Variants in PRR5 observed in about 807,000 individuals in gnomAD.
The protein encoded by PRR5 is proline-rich protein 5.
A neutral mutation model predicts 30.6 loss-of-function variants in PRR5; 25 were observed. The observed-to-expected ratio is 0.82, with a 90% confidence interval of 0.60 to 1.14. The LOEUF (loss-of-function observed/expected upper bound fraction) is 1.14. Among genes scored for constraint, PRR5 ranks in the 50% most tolerant of loss-of-function variants. The pLI is 0.00. For synonymous variants in PRR5, 286 were observed against 247.1 expected, an observed-to-expected ratio of 1.16 and a Z score of -1.48; for missense variants, 600 against 547.1, an observed-to-expected ratio of 1.10 and a Z score of -0.96.
At chr22:44,722,767 T>C (rs11912248) in intron 2 of PRR5, among the ~76,000 whole-genome samples, 33,482 of 152,064 alleles carry the variant, frequency 0.22, 4,390 homozygotes, top group African/African-American at 0.36. Context: ...TGTCACCCTC[T>C]GACTCCTGGT....
intron 4 of PRR5, chr22:44,730,084 G>A (rs978727156): frequency 8.1e-6 from 8 of 985,312 alleles, no homozygotes; most frequent in South Asian, 4.7e-5. Flanking sequence ...AGTCCAGCTC[G>A]GCCCCAGCCC....
intron 2 of PRR5, 92 bp from the exon 3 acceptor site, chr22:44,725,152 C>A: frequency 6.4e-7 from 1 of 1,571,966 alleles, no homozygotes. Flanking sequence ...GCTGATCTCC[C>A]CCTGCCCAGG....
intron 4 of PRR5, chr22:44,730,294 C>G: frequency 7.1e-6 from 7 of 985,248 alleles, no homozygotes; most frequent in Non-Finnish European, 7.2e-6. Context: ...CTTCCCTCTT[C>G]ACTCAGAGGC....
At chr22:44,699,806 A>G (rs750940248), upstream of PRR5, among the ~76,000 whole-genome samples, 136 of 152,240 alleles carry the variant, frequency 8.9e-4, no homozygotes, top group Non-Finnish European at 1.3e-3. Context: ...CCGCAGCTGG[A>G]GGGCAAGCAG....
At position 44,714,626 on chromosome 22, in the gene PRR5, A is replaced by G; in HGVS notation, c.170A>G (p.Lys57Arg). 1 of 1,613,694 alleles carries G rather than the reference A, an allele frequency of 6.2e-7. No homozygotes were observed. The highest frequency in any genetic ancestry group is 8.5e-7 in the Non-Finnish European group (1 of 1,179,980). ...GGGGTGATCGCCGTCTTCCAGCGCA[A>G]GGGGCTGCCCGACCAGGAGCTCTTC... is the stretch of plus-strand genomic sequence containing the variant. ...HNGVIAVFQR[K>R]GLPDQELFSL... is the part of the protein sequence containing the mutation. Residue 57 changes from lysine (K) to arginine (R), a missense_variant, in exon 2 of 8, where the codon AAG becomes AGG. Lys to Arg is a conservative substitution (Grantham distance 26). Transcript: ENST00000336985.
At chr22:44,714,198 G>A (rs778232188) in intron 1 of PRR5, among the ~76,000 whole-genome samples, 8 of 152,236 alleles carry the variant, frequency 5.3e-5, no homozygotes, top group Non-Finnish European at 8.8e-5. Context: ...AACTCCGGGT[G>A]GCCGTGGAGG....
At chr22:44,720,604 T>TA (rs1403036739) in intron 2 of PRR5, among the ~76,000 whole-genome samples, 3 of 152,214 alleles carry the variant, frequency 2.0e-5, no homozygotes, top group East Asian at 1.9e-4. Flanking sequence ...ACCCACTACT[T>TA]ACACGCTTGG....
At chr22:44,716,177 C>T (rs1306523611) in intron 2 of PRR5, among the ~76,000 whole-genome samples, 1 of 152,232 alleles carries the variant, frequency 6.6e-6, no homozygotes, top group Admixed American at 6.5e-5. Context: ...CCCTGGGCCC[C>T]AGGCTTCCCT....
At chr22:44,696,721 G>GTATTTATT (rs56370664) in intron 1 of PRR5, among the ~76,000 whole-genome samples, 45,616 of 147,880 alleles carry the variant, frequency 0.31, 7,612 homozygotes, top group South Asian at 0.5. Flanking sequence ...ATGAACTTAC[G>GTATTTATT]TATTTATTTA....
upstream of PRR5, among the ~76,000 whole-genome samples, chr22:44,700,558 A>G (rs755356696): frequency 1.8e-4 from 28 of 152,302 alleles, no homozygotes; most frequent in Non-Finnish European, 2.9e-5. Context: ...CCCAGGAGGT[A>G]GAGGCTGCAG....
intron 2 of PRR5, among the ~76,000 whole-genome samples, chr22:44,718,872 A>G (rs1358581428): frequency 6.6e-6 from 1 of 151,944 alleles, no homozygotes; most frequent in Non-Finnish European, 1.5e-5. Context: ...GAGCTATGAG[A>G]GTTCTTTATA....
At position 44,681,198 on chromosome 22, in the gene PRR5, A is replaced by C. The variant is rs563223224; in HGVS notation, c.-11+3958A>C. ...CAGCACATGCCTGCCACATAGTAGG[A>C]GTCTGCAGGATGATGGCTGTTCACC... On this transcript the variant is annotated intron_variant, in intron 1 of 8. Transcript: ENST00000006251. Among the ~76,000 whole-genome samples, 5 of 152,300 alleles carry C rather than the reference A, an allele frequency of 3.3e-5. 1 individual carries two copies. In the South Asian group the frequency reaches 1.0e-3, roughly 32 times the overall value.
At chr22:44,700,176 C>A (rs774332110), upstream of PRR5, among the ~76,000 whole-genome samples, 1 of 151,958 alleles carries the variant, frequency 6.6e-6, no homozygotes, top group Non-Finnish European at 1.5e-5. Flanking sequence ...TAAAAATTAG[C>A]CAGGGAGCCG....
At chr22:44,720,556 AG>A (rs891055737) in intron 2 of PRR5, among the ~76,000 whole-genome samples, 1 of 152,174 alleles carries the variant, frequency 6.6e-6, no homozygotes, top group African/African-American at 2.4e-5. Flanking sequence ...GCAGCTGCCA[AG>A]TGGAAGTTGC....
At position 44,702,256 on chromosome 22, in the gene PRR5, G is replaced by C. The variant is rs896283451; in HGVS notation, c.-219G>C. 6 of 1,138,110 alleles carry C rather than the reference G, an allele frequency of 5.3e-6. No homozygotes were observed. In the African/African-American group the frequency reaches 8.2e-5, roughly 16 times the overall value. 70.5% of individuals were successfully genotyped at this position (1,138,110 alleles called of 1,614,324 possible). Reference sequence around the variant, plus strand: ...GGCCGCGCGCCTGGCGCTCCACGCTGAGCCTCTCCGTGCAATGATTAACCC... The same window carrying C: ...GGCCGCGCGCCTGGCGCTCCACGCTCAGCCTCTCCGTGCAATGATTAACCC... On this transcript the variant is annotated 5_prime_UTR_variant, in exon 1 of 8. Transcript: ENST00000336985.
chr22:44,680,018 C>T, intron 1 of PRR5: 6 of 763,008 alleles, frequency 7.9e-6, no homozygotes, highest in South Asian at 1.8e-5. Context: ...TGGACCTCAG[C>T]CTGAGTGAGT....
At chr22:44,732,128 A>G in intron 5 of PRR5, 123 bp from the exon 6 acceptor site, 2 of 1,475,108 alleles carry the variant, frequency 1.4e-6, no homozygotes, top group Non-Finnish European at 1.8e-6. Flanking sequence ...ATCTGAGGAG[A>G]ACGGGGTGGA....
chr22:44,717,405 C>T (rs1024993570), intron 2 of PRR5, among the ~76,000 whole-genome samples: 9 of 151,494 alleles, frequency 5.9e-5, no homozygotes, highest in African/African-American at 1.7e-4. Flanking sequence ...TTGGCCAGGC[C>T]GGTCTCAAAC....
intron 1 of PRR5, among the ~76,000 whole-genome samples, chr22:44,711,176 G>C (rs982745101): frequency 2.0e-5 from 3 of 152,192 alleles, no homozygotes; most frequent in Admixed American, 6.5e-5. Flanking sequence ...GCAGGTGCTT[G>C]CTGGGCTTTG....
Sources: allele counts gnomAD v4.1 joint callset (sites outside exome capture counted in the v4.1 genomes callset), GRCh38; gene constraint gnomAD v4.1.1; transcripts MANE v1.5; gene names NCBI Gene and HGNC (gene_info 2026-07-23, HGNC 2026-07-21).